PHF10: variants seen among roughly 807,000 people sequenced by gnomAD.
PHF10 encodes BRG1-associated factor 45a.
Under a neutral mutation model 68.5 loss-of-function variants are expected in PHF10, and 51 were observed. That is an observed-to-expected ratio of 0.74 (90% CI 0.59 to 0.94). The LOEUF (loss-of-function observed/expected upper bound fraction) is 0.94. Among genes scored for constraint, PHF10 ranks in the 40% least tolerant of loss-of-function variants. The probability of loss-of-function intolerance (pLI) is 0.00; values close to 1 mark genes in which losing one functional copy is unlikely to be tolerated. For synonymous variants in PHF10, 204 were observed against 203.5 expected (o/e 1.00, Z -0.02); for missense variants, 460 against 602.6 (o/e 0.76, Z 2.48).
intron 4 of PHF10, 97 bp from the exon 5 acceptor site, chr6:169,716,185 T>C: frequency 1.5e-6 from 1 of 663,240 alleles, no homozygotes; most frequent in South Asian, 3.8e-5. Flanking sequence ...CCGCTCCACG[T>C]TGTAATGGTT....
chr6:169,706,723 T>TACACACACACACAC (rs1202611210), intron 9 of PHF10, among the ~76,000 whole-genome samples: 1 of 72,452 alleles, frequency 1.4e-5, no homozygotes, highest in Admixed American at 1.5e-4. Flanking sequence ...CATACATACA[T>TACACACACACACAC]ACATACACAC....
intron 9 of PHF10, among the ~76,000 whole-genome samples, chr6:169,706,746 ACACAC>A (rs1788807737): frequency 7.5e-6 from 1 of 133,218 alleles, no homozygotes; most frequent in East Asian, 2.7e-4. Flanking sequence ...ACACACACAC[ACACAC>A]ACACACACAC....
chr6:169,718,002 T>A, intron 3 of PHF10, 96 bp from the exon 4 acceptor site: 1 of 535,980 alleles, frequency 1.9e-6, no homozygotes, highest in Non-Finnish European at 3.4e-6. Flanking sequence ...TTTAAAGTAT[T>A]CATATTACAT....
In PHF10 at chr6:169,721,001, G is replaced by C; in HGVS notation, c.194+4C>G. On this transcript the variant is annotated splice_donor_region_variant and intron_variant, in intron 2 of 11. Coordinates refer to ENST00000339209, the MANE Select transcript of PHF10 (RefSeq NM_018288.4). ...AATATTAATAACCGATAAAATGACA[G>C]TACCCAAGATCTTGACTTGAAGTTT... 1 of 1,480,482 alleles carries C rather than the reference G, an allele frequency of 6.8e-7. No individual in the cohort carries two copies. Among genetic ancestry groups the C allele is most frequent in the Non-Finnish European group, 9.2e-7 (1 of 1,085,204 alleles). 91.7% of individuals were successfully genotyped at this position (1,480,482 alleles called of 1,614,324 possible).
rs1464759707 is a variant in PHF10 at position 169,712,077 on chromosome 6, TTC to T, written c.957+307_957+308del. 2.0e-5 allele frequency among the ~76,000 whole-genome samples: 3 copies of T among 152,310 alleles called. No individual in the cohort carries two copies. The South Asian group carries it at 6.2e-4, about 32-fold the overall frequency. The stretch of plus-strand genomic sequence containing the variant: ...TACATTTCTGTGTCAAGAGATCAAA[TTC>T]TGTTTTGTTCAATATTTTAAGCTAA... On this transcript the variant is annotated intron_variant, in intron 8 of 11. Transcript: ENST00000339209.
At chr6:169,721,722 T>C (rs923976113) in intron 1 of PHF10, among the ~76,000 whole-genome samples, 1 of 152,114 alleles carries the variant, frequency 6.6e-6, no homozygotes, top group Non-Finnish European at 1.5e-5. Context: ...ATCCATTATG[T>C]GGCAAGAACA....
chr6:169,704,862 T>G, intron 11 of PHF10: 2 of 327,880 alleles, frequency 6.1e-6, no homozygotes, highest in Non-Finnish European at 1.2e-5. Flanking sequence ...CTTTGTTACT[T>G]TAGTATTTCA....
intron 8 of PHF10, 107 bp downstream of exon 8, chr6:169,712,279 A>C (rs1788941062): frequency 4.0e-6 from 4 of 988,640 alleles, no homozygotes; most frequent in Non-Finnish European, 6.3e-6. Context: ...CTTTCTGGAA[A>C]TTACATGCAA....
intron 2 of PHF10, among the ~76,000 whole-genome samples, chr6:169,720,627 G>A (rs1210135941): frequency 6.6e-6 from 1 of 152,176 alleles, no homozygotes; most frequent in African/African-American, 2.4e-5. Flanking sequence ...AAAGTAGAAT[G>A]ATGGTTGCAA....
At position 169,703,955 on chromosome 6, in the gene PHF10, C is replaced by T; in HGVS notation, c.*48G>A. 7.2e-7 allele frequency: 1 copy of T among 1,381,924 alleles called. No homozygotes were observed. The highest frequency in any genetic ancestry group is 9.8e-7 in the Non-Finnish European group (1 of 1,015,986). The allele number at this position is 1,381,924 out of a possible 1,614,324, so 85.6% of individuals were successfully genotyped here. A position where few individuals can be genotyped will look rare whatever the true frequency, so the allele number is the denominator to read the frequency against. ...ATGAAAATAATGTTGTAAATGGCACCAAATATTCCACTTAAATGCATATAC... is the reference window on the plus strand; with the variant it reads ...ATGAAAATAATGTTGTAAATGGCACTAAATATTCCACTTAAATGCATATAC... On this transcript the variant is annotated 3_prime_UTR_variant, in exon 12 of 12. Coordinates refer to ENST00000339209, the MANE Select transcript of PHF10 (RefSeq NM_018288.4).
At chr6:169,714,444 A>T (rs550270216) in intron 7 of PHF10, among the ~76,000 whole-genome samples, 74 of 152,236 alleles carry the variant, frequency 4.9e-4, no homozygotes, top group Non-Finnish European at 1.6e-4. Flanking sequence ...GCTTTGGACC[A>T]CGGAACATAC....
In PHF10 at chr6:169,705,667, T is replaced by C; in HGVS notation, c.1171A>G (p.Lys391Glu). Residue 391 changes from lysine to glutamate, a missense_variant, in exon 10 of 12, where the codon AAG (lysine) becomes GAG (glutamate). Physicochemically the swap from Lys to Glu is moderately conservative, Grantham distance 56 (BLOSUM62 1). Transcript: ENST00000339209. ...GICLKGKESN[K>E]KGKAESLIHC... ...ATAAGTGATTCAGCCTTTCCTTTCT[T>C]GTTGGACTCCTTACCCTTCAGACAA... The C allele has an allele frequency of 6.3e-7, 1 of 1,594,110 alleles. No individual in the cohort carries two copies.
intron 11 of PHF10, chr6:169,704,315 A>G (rs767816711): frequency 3.0e-5 from 15 of 493,044 alleles, no homozygotes; most frequent in Non-Finnish European, 4.7e-5. Flanking sequence ...GGAGAGATGC[A>G]ATGCCATACG....
chr6:169,718,297 A>AT (rs1789098414), intron 3 of PHF10, among the ~76,000 whole-genome samples: 1 of 152,224 alleles, frequency 6.6e-6, no homozygotes, highest in South Asian at 2.1e-4. Context: ...CACCTTTCCC[A>AT]TTTTGCTTTT....
chr6:169,704,216 C>T (rs1231783436), intron 11 of PHF10, 128 bp from the exon 12 acceptor site: 1 of 617,318 alleles, frequency 1.6e-6, no homozygotes, highest in Non-Finnish European at 2.7e-6. Context: ...GTGAGAAGGG[C>T]ACTATGAGTT....
rs1789002989 is a variant in PHF10, at chr6:169,714,651, A to G, written c.803+82T>C. The G allele has an allele frequency of 1.1e-5, 8 of 759,054 alleles. No individual in the cohort carries two copies. The South Asian group carries it at 1.2e-4, about 11-fold the overall frequency. 47.0% of individuals were successfully genotyped at this position (759,054 alleles called of 1,614,324 possible). A position where few individuals can be genotyped will look rare whatever the true frequency, so the allele number is the denominator to read the frequency against. On this transcript the variant is annotated intron_variant, in intron 7 of 11. Coordinates refer to ENST00000339209, the MANE Select transcript of PHF10 (RefSeq NM_018288.4). ...CTTACGGTGATATCTATAGACCCCA[A>G]AATTGTTAGGAGGCAAGTACAAAAG...
intron 4 of PHF10, among the ~76,000 whole-genome samples, chr6:169,717,338 T>A (rs1789074115): frequency 6.6e-6 from 1 of 152,176 alleles, no homozygotes; most frequent in South Asian, 2.1e-4. Flanking sequence ...GATAAACCCA[T>A]CCTAAGTTGA....
intron 4 of PHF10, among the ~76,000 whole-genome samples, 177 bp from the exon 5 acceptor site, chr6:169,716,265 T>C (rs1172853136): frequency 6.6e-6 from 1 of 152,134 alleles, no homozygotes; most frequent in Non-Finnish European, 1.5e-5. Context: ...CAATATAAAC[T>C]CGAGCAATCA....
chr6:169,710,783 T>C (rs552674992), intron 8 of PHF10, among the ~76,000 whole-genome samples: 86 of 151,738 alleles, frequency 5.7e-4, no homozygotes, highest in African/African-American at 1.7e-3. Context: ...GTATTTTCAC[T>C]GAGTACTAAA....
Sources: allele counts gnomAD v4.1 joint callset (sites outside exome capture counted in the v4.1 genomes callset), GRCh38; gene constraint gnomAD v4.1.1; transcripts MANE v1.5; gene names NCBI Gene and HGNC (gene_info 2026-07-23, HGNC 2026-07-21).